NTM: variants seen among roughly 807,000 people sequenced by gnomAD.
NTM encodes the protein IgLON family member 2.
Under a neutral mutation model 42.1 loss-of-function variants are expected in NTM, and 13 were observed. That is an observed-to-expected ratio of 0.31 (90% CI 0.20 to 0.49). The LOEUF (loss-of-function observed/expected upper bound fraction) is 0.49, where lower values mean the gene tolerates loss of function less well. Ranked by LOEUF, NTM falls within the 20% of genes least tolerant of loss-of-function variation. The pLI, the probability that NTM is intolerant of heterozygous loss-of-function variation, is 0.99. For missense variants in NTM, 373 were observed against 452.8 expected (o/e 0.82, Z 1.60); for synonymous variants, 187 against 179.2 (o/e 1.04, Z -0.35).
intron 2 of NTM, among the ~76,000 whole-genome samples, chr11:132,095,573 C>A (rs2060873175): frequency 6.6e-6 from 1 of 152,174 alleles, no homozygotes; most frequent in Non-Finnish European, 1.5e-5. Context: ...CTAAAGAAGA[C>A]ATTGGGACAA....
At chr11:131,989,841 C>A (rs1291253374) in intron 2 of NTM, among the ~76,000 whole-genome samples, 3 of 152,034 alleles carry the variant, frequency 2.0e-5, no homozygotes, top group Non-Finnish European at 4.4e-5. Context: ...AAGAATGGTA[C>A]AACCATGTGA....
chr11:132,112,707 G>A (rs995280367), intron 2 of NTM, among the ~76,000 whole-genome samples: 6 of 136,594 alleles, frequency 4.4e-5, no homozygotes, highest in Non-Finnish European at 6.1e-5. Flanking sequence ...CATTTTCTGG[G>A]ACTGCACACT....
intron 2 of NTM, among the ~76,000 whole-genome samples, chr11:132,098,965 C>T (rs1019006786): frequency 5.3e-5 from 8 of 152,172 alleles, no homozygotes; most frequent in South Asian, 2.1e-4. Flanking sequence ...CATGTTTAAT[C>T]GGGAGCGATA....
intron 4 of NTM, among the ~76,000 whole-genome samples, chr11:132,228,383 G>A (rs764614848): frequency 3.9e-5 from 6 of 152,118 alleles, no homozygotes; most frequent in African/African-American, 7.2e-5. Context: ...CCTGGAAAAC[G>A]TACCTGCCGC....
At chr11:132,043,466 G>A (rs914953729) in intron 2 of NTM, among the ~76,000 whole-genome samples, 2 of 152,180 alleles carry the variant, frequency 1.3e-5, no homozygotes, top group African/African-American at 4.8e-5. Context: ...TGCATCCTCT[G>A]TCACTGTACA....
intron 1 of NTM, among the ~76,000 whole-genome samples, chr11:131,850,040 A>C (rs1023870500): frequency 6.6e-6 from 1 of 152,074 alleles, no homozygotes; most frequent in African/African-American, 2.4e-5. Context: ...CAGGTTGCTA[A>C]GTGTAGGTTG....
chr11:132,234,370 C>A (rs1230612771), intron 4 of NTM, among the ~76,000 whole-genome samples: 2 of 152,180 alleles, frequency 1.3e-5, no homozygotes, highest in Non-Finnish European at 2.9e-5. Flanking sequence ...CAAAACATAT[C>A]ATTGCATACT....
At chr11:132,296,846 A>C (rs3099779) in intron 4 of NTM, among the ~76,000 whole-genome samples, 127,880 of 152,274 alleles carry the variant, frequency 0.84, 53,859 homozygotes, top group East Asian at 0.92. Flanking sequence ...AAGGCATTCA[A>C]AAGTAAGTGG....
intron 1 of NTM, among the ~76,000 whole-genome samples, chr11:131,871,873 C>T (rs781716366): frequency 9.9e-5 from 15 of 152,168 alleles, no homozygotes; most frequent in Admixed American, 2.0e-4. Flanking sequence ...CCTTGTTTCC[C>T]TGCAGCTCCT....
intron 3 of NTM, among the ~76,000 whole-genome samples, chr11:132,203,677 G>C (rs1052038763): frequency 6.6e-6 from 1 of 152,084 alleles, no homozygotes; most frequent in Non-Finnish European, 1.5e-5. Context: ...AGATCACGAG[G>C]TCAGGAGATC....
chr11:131,457,617 C>T (rs923946432), intron 1 of NTM, among the ~76,000 whole-genome samples: 9 of 151,992 alleles, frequency 5.9e-5, no homozygotes, highest in Admixed American at 2.6e-4. Context: ...GGTAGCAAAA[C>T]GGATACGTTA....
intron 2 of NTM, among the ~76,000 whole-genome samples, chr11:132,033,593 G>A (rs1354428178): frequency 2.0e-5 from 3 of 152,150 alleles, no homozygotes; most frequent in African/African-American, 7.2e-5. Flanking sequence ...CACCTGTTTA[G>A]GAATTGCTCG....
At chr11:131,996,883 C>T (rs577087719) in intron 2 of NTM, among the ~76,000 whole-genome samples, 26 of 152,278 alleles carry the variant, frequency 1.7e-4, no homozygotes, top group South Asian at 6.2e-4. Flanking sequence ...GCCACATCCC[C>T]GCCCCTCTAG....
At chr11:131,387,222 T>C (rs75201596) in intron 1 of NTM, among the ~76,000 whole-genome samples, 6 of 152,296 alleles carry the variant, frequency 3.9e-5, no homozygotes, top group African/African-American at 1.2e-4. Flanking sequence ...GCCAATGTTT[T>C]TGAAGCTCAC....
At chr11:131,845,697 A>G (rs1323571104) in intron 1 of NTM, among the ~76,000 whole-genome samples, 4 of 151,976 alleles carry the variant, frequency 2.6e-5, no homozygotes, top group Non-Finnish European at 4.4e-5. Context: ...TAAAAAAAAA[A>G]TACATTCCTG....
intron 4 of NTM, among the ~76,000 whole-genome samples, chr11:132,220,943 A>G (rs2085026262): frequency 6.6e-6 from 1 of 152,144 alleles, no homozygotes; most frequent in Non-Finnish European, 1.5e-5. Context: ...GCCTGGGAGT[A>G]TGAGAAGGTC....
At chr11:132,224,008 G>A (rs2085682222) in intron 4 of NTM, among the ~76,000 whole-genome samples, 1 of 152,208 alleles carries the variant, frequency 6.6e-6, no homozygotes, top group Non-Finnish European at 1.5e-5. Flanking sequence ...AATCTTGAGG[G>A]ACTCAGGATA....
intron 1 of NTM, among the ~76,000 whole-genome samples, chr11:131,729,306 G>T (rs1222142230): frequency 1.3e-5 from 2 of 152,176 alleles, no homozygotes; most frequent in African/African-American, 4.8e-5. Context: ...TATTGGTACA[G>T]TGCACTCTGA....
chr11:131,488,948 T>C (rs1232549552), intron 1 of NTM, among the ~76,000 whole-genome samples: 2 of 152,366 alleles, frequency 1.3e-5, no homozygotes, highest in Middle Eastern at 3.4e-3. Flanking sequence ...TCACAGTTAC[T>C]GGCCCATAAC....
Sources: allele counts gnomAD v4.1 joint callset (sites outside exome capture counted in the v4.1 genomes callset), GRCh38; gene constraint gnomAD v4.1.1; transcripts MANE v1.5; gene names NCBI Gene and HGNC (gene_info 2026-07-23, HGNC 2026-07-21).